Variants in PAK2 observed in about 807,000 individuals in gnomAD.
PAK2 encodes serine/threonine-protein kinase PAK 2.
A neutral mutation model predicts 65.9 loss-of-function variants in PAK2; 21 were observed. That is an observed-to-expected ratio of 0.32 (90% confidence interval 0.23 to 0.46). The LOEUF is 0.46. PAK2 is among the 20% of genes least tolerant of loss of function. The pLI is 1.00. For synonymous variants in PAK2, 204 were observed against 219.7 expected (o/e 0.93, Z 0.63); for missense variants, 324 against 642.6 (o/e 0.50, Z 5.36).
chr3:196,815,423 C>T (rs1452705641), intron 11 of PAK2, among the ~76,000 whole-genome samples: 5 of 148,380 alleles, frequency 3.4e-5, no homozygotes, highest in Admixed American at 6.8e-5. Flanking sequence ...GCTGAGGAGG[C>T]AGACATTGCA....
intron 1 of PAK2, among the ~76,000 whole-genome samples, chr3:196,780,724 C>G (rs1714679541): frequency 2.0e-5 from 3 of 152,312 alleles, no homozygotes; most frequent in South Asian, 4.1e-4. Flanking sequence ...GTGCTAGTGA[C>G]ACACTCCCAT....
intron 1 of PAK2, among the ~76,000 whole-genome samples, chr3:196,773,105 T>C (rs1302319802): frequency 6.6e-6 from 1 of 152,150 alleles, no homozygotes; most frequent in Admixed American, 6.6e-5. Flanking sequence ...ATTGAGGAAT[T>C]GTTTGTGTTT....
chr3:196,757,132 G>T (rs888923594), intron 1 of PAK2, among the ~76,000 whole-genome samples: 1 of 152,202 alleles, frequency 6.6e-6, no homozygotes, highest in African/African-American at 2.4e-5. Context: ...AGAGTGGCAG[G>T]CTGAGTAGTT....
intron 7 of PAK2, among the ~76,000 whole-genome samples, chr3:196,809,075 C>T (rs1193826982): frequency 7.2e-6 from 1 of 138,202 alleles, no homozygotes; most frequent in African/African-American, 2.7e-5. Context: ...TCCACCCCCT[C>T]AAAAAAAAAA....
In PAK2 at chr3:196,820,438, A is replaced by C; in HGVS notation, c.1221A>C (p.Pro407=). 1 of 1,613,538 alleles carries C rather than the reference A, an allele frequency of 6.2e-7. No individual in the cohort carries two copies. Among genetic ancestry groups the C allele is most frequent in the Non-Finnish European group, 8.5e-7 (1 of 1,179,598 alleles). The change falls in exon 13 of 15, where the codon CCA becomes CCC. Residue 407 remains proline (P), a synonymous_variant. Coordinates refer to ENST00000327134, the MANE Select transcript of PAK2 (RefSeq NM_002577.4). This position sits in a 1 kb window ranked among gnomAD's most constrained non-coding sequence, Gnocchi z 4.6. The part of the protein sequence containing the change: ...QSKRSTMVGT[P]YWMAPEVVTR... ...AACGCAGTACCATGGTCGGAACGCCATACTGGATGGCACCAGAGGTGGTTA... is the reference window on the plus strand; with the variant it reads ...AACGCAGTACCATGGTCGGAACGCCCTACTGGATGGCACCAGAGGTGGTTA...
At chr3:196,816,205 T>C (rs540298954) in intron 11 of PAK2, among the ~76,000 whole-genome samples, 1 of 152,196 alleles carries the variant, frequency 6.6e-6, no homozygotes, top group African/African-American at 2.4e-5. Flanking sequence ...GACATGTGAA[T>C]TACAAACTTT....
chr3:196,757,238 A>G (rs142053352), intron 1 of PAK2, among the ~76,000 whole-genome samples: 54 of 152,330 alleles, frequency 3.5e-4, no homozygotes, highest in African/African-American at 1.3e-3. Flanking sequence ...GACTGGGATG[A>G]GTCAGGACAG....
chr3:196,786,376 T>C (rs1188138798), intron 2 of PAK2, among the ~76,000 whole-genome samples: 1 of 152,118 alleles, frequency 6.6e-6, no homozygotes, highest in African/African-American at 2.4e-5. Flanking sequence ...TTGGCCAGGC[T>C]GGTCTTGAAC....
At chr3:196,815,833 A>G (rs1318576697) in intron 11 of PAK2, among the ~76,000 whole-genome samples, 4 of 151,894 alleles carry the variant, frequency 2.6e-5, no homozygotes, top group Non-Finnish European at 5.9e-5. Flanking sequence ...TGGAAACTAG[A>G]ACTATCTCAG....
intron 12 of PAK2, among the ~76,000 whole-genome samples, chr3:196,819,571 A>T (rs1415905177): frequency 6.6e-6 from 1 of 152,232 alleles, no homozygotes; most frequent in Non-Finnish European, 1.5e-5. Context: ...CATAGATATT[A>T]TTCATGCATA....
At chr3:196,760,029 GT>G (rs1186228869) in intron 1 of PAK2, among the ~76,000 whole-genome samples, 1 of 152,120 alleles carries the variant, frequency 6.6e-6, no homozygotes, top group African/African-American at 2.4e-5. Context: ...TTTGTGACTG[GT>G]TTCTTTCATT....
intron 1 of PAK2, among the ~76,000 whole-genome samples, chr3:196,749,989 CTT>C (rs199605682): frequency 5.0e-5 from 7 of 141,330 alleles, no homozygotes; most frequent in Admixed American, 2.1e-4. Context: ...CTGGCTATTT[CTT>C]TTTTTTTTTT....
chr3:196,743,250 C>G (rs1288834577), intron 1 of PAK2, among the ~76,000 whole-genome samples: 1 of 152,172 alleles, frequency 6.6e-6, no homozygotes, highest in East Asian at 1.9e-4. Context: ...TTTCAGTGTT[C>G]CAGCCTACTA....
intron 1 of PAK2, among the ~76,000 whole-genome samples, chr3:196,759,686 C>G (rs879781061): frequency 8.6e-5 from 13 of 151,714 alleles, no homozygotes; most frequent in Non-Finnish European, 1.8e-4. Context: ...ACCACCACGC[C>G]CAGCTAATTT....
chr3:196,786,839 T>TC (rs397752139), intron 2 of PAK2, among the ~76,000 whole-genome samples: 10 of 151,262 alleles, frequency 6.6e-5, no homozygotes, highest in South Asian at 6.2e-4. Flanking sequence ...TTTTTTTTTT[T>TC]CTTTGAGGCA....
intron 1 of PAK2, among the ~76,000 whole-genome samples, chr3:196,749,248 T>C (rs1205563652): frequency 6.6e-6 from 1 of 152,118 alleles, no homozygotes; most frequent in East Asian, 1.9e-4. Flanking sequence ...TTTTCAGTTA[T>C]TTCGGGTACA....
chr3:196,760,067 A>C (rs1015169791), intron 1 of PAK2, among the ~76,000 whole-genome samples: 1 of 152,190 alleles, frequency 6.6e-6, no homozygotes, highest in Admixed American at 6.5e-5. Flanking sequence ...AGGTCCATCC[A>C]TGCTGTGGCA....
chr3:196,808,215 G>A (rs1715649487), intron 7 of PAK2, among the ~76,000 whole-genome samples: 2 of 151,898 alleles, frequency 1.3e-5, no homozygotes, highest in African/African-American at 2.4e-5. Flanking sequence ...CTACTTGGAG[G>A]CTGAGGCAAG....
intron 12 of PAK2, among the ~76,000 whole-genome samples, chr3:196,818,990 G>A (rs926542032): frequency 6.6e-6 from 1 of 152,090 alleles, no homozygotes; most frequent in Non-Finnish European, 1.5e-5. Flanking sequence ...TGTTACTCTT[G>A]TAGAATTCTC....
Sources: allele counts gnomAD v4.1 joint callset (sites outside exome capture counted in the v4.1 genomes callset), GRCh38; gene constraint gnomAD v4.1.1; non-coding constraint Gnocchi (gnomAD v3.1); transcripts MANE v1.5; gene names NCBI Gene and HGNC (gene_info 2026-07-23, HGNC 2026-07-21).